RBFOX1: variants seen among roughly 807,000 people sequenced by gnomAD.
RBFOX1 encodes RNA binding fox-1 homolog 1.
A neutral mutation model predicts 57.7 loss-of-function variants in RBFOX1; 8 were observed. The observed-to-expected ratio is 0.14, with a 90% CI of 0.08 to 0.25. The LOEUF (loss-of-function observed/expected upper bound fraction) is 0.25, where lower values mean the gene tolerates loss of function less well. Among genes scored for constraint, RBFOX1 ranks in the 10% least tolerant of loss-of-function variants. The pLI is 1.00. For missense variants in RBFOX1, 611 were observed against 548.5 expected (o/e 1.11, Z -1.14); for synonymous variants, 326 against 222.4 (o/e 1.47, Z -4.15).
intron 3 of RBFOX1, among the ~76,000 whole-genome samples, chr16:6,914,868 A>G (rs1055984925): frequency 6.6e-6 from 1 of 152,236 alleles, no homozygotes; most frequent in East Asian, 1.9e-4. Context: ...AAGCTGGGCA[A>G]CAGAGCAAGA....
intron 4 of RBFOX1, among the ~76,000 whole-genome samples, chr16:5,887,034 T>A (rs973951712): frequency 6.6e-6 from 1 of 152,184 alleles, no homozygotes. Context: ...ATGTTTACCA[T>A]CATTCCCGGC....
intron 3 of RBFOX1, among the ~76,000 whole-genome samples, chr16:6,819,294 T>C (rs1466602567): frequency 6.6e-6 from 1 of 152,196 alleles, no homozygotes; most frequent in Non-Finnish European, 1.5e-5. Context: ...CCCTTGTACA[T>C]AGCAGGTGCT....
intron 2 of RBFOX1, among the ~76,000 whole-genome samples, chr16:6,530,237 G>A (rs764970168): frequency 2.0e-5 from 3 of 152,042 alleles, no homozygotes; most frequent in South Asian, 2.1e-4. Flanking sequence ...GAGTTTGGGG[G>A]CAGGAAGAAG....
chr16:7,175,715 C>G (rs533120010), intron 4 of RBFOX1, among the ~76,000 whole-genome samples: 1 of 152,206 alleles, frequency 6.6e-6, no homozygotes, highest in Admixed American at 6.5e-5. Context: ...TTACCTCTTC[C>G]AGCCACGCAG....
intron 2 of RBFOX1, among the ~76,000 whole-genome samples, chr16:5,592,671 A>T (rs1001656646): frequency 6.6e-6 from 1 of 152,198 alleles, no homozygotes; most frequent in Non-Finnish European, 1.5e-5. Flanking sequence ...TGTTTGGACC[A>T]TGCATTAAGG....
chr16:5,718,745 A>T (rs2051813509), intron 3 of RBFOX1, among the ~76,000 whole-genome samples: 1 of 152,134 alleles, frequency 6.6e-6, no homozygotes. Flanking sequence ...CATCTCTAAT[A>T]AAAGCTACAA....
intron 3 of RBFOX1, among the ~76,000 whole-genome samples, chr16:6,764,452 C>G (rs1421910655): frequency 6.6e-6 from 1 of 152,196 alleles, no homozygotes; most frequent in Non-Finnish European, 1.5e-5. Flanking sequence ...ATGAGCACAA[C>G]TCTTTGTCTT....
intron 3 of RBFOX1, among the ~76,000 whole-genome samples, chr16:6,986,537 C>T (rs1429833318): frequency 2.0e-5 from 3 of 152,188 alleles, no homozygotes; most frequent in African/African-American, 7.2e-5. Context: ...ACTGATTCAC[C>T]TGCCTTGGCT....
At chr16:6,065,010 C>A (rs2095741561) in intron 1 of RBFOX1, among the ~76,000 whole-genome samples, 1 of 150,548 alleles carries the variant, frequency 6.6e-6, no homozygotes, top group African/African-American at 2.4e-5. Context: ...CTATATATTT[C>A]TTTTCTTTCT....
chr16:5,440,977 A>C (rs2068067118), intron 1 of RBFOX1, among the ~76,000 whole-genome samples: 1 of 152,268 alleles, frequency 6.6e-6, no homozygotes, highest in Middle Eastern at 3.4e-3. Flanking sequence ...GCAAACTCCT[A>C]CGTACCCTTA....
At chr16:7,513,066 C>G (rs531971702) in intron 4 of RBFOX1, among the ~76,000 whole-genome samples, 2 of 36,014 alleles carry the variant, frequency 5.6e-5, no homozygotes, top group Admixed American at 3.8e-4. Flanking sequence ...CAGTTCGGGA[C>G]CAGCCTGGCC....
chr16:7,198,277 T>G (rs2087319398), intron 4 of RBFOX1, among the ~76,000 whole-genome samples: 1 of 152,166 alleles, frequency 6.6e-6, no homozygotes, highest in Admixed American at 6.5e-5. Flanking sequence ...AGTCCTGGGA[T>G]TACAGGCGTA....
intron 3 of RBFOX1, among the ~76,000 whole-genome samples, chr16:7,000,902 AAC>A (rs1234408552): frequency 1.3e-5 from 2 of 152,080 alleles, no homozygotes; most frequent in African/African-American, 4.8e-5. Flanking sequence ...GCACCTGGGA[AAC>A]ACATAATAAA....
intron 3 of RBFOX1, among the ~76,000 whole-genome samples, chr16:6,926,765 A>C (rs532174816): frequency 9.9e-5 from 15 of 152,160 alleles, no homozygotes; most frequent in African/African-American, 3.6e-4. Context: ...CTGAACTTTT[A>C]AATGCTTCTG....
chr16:5,678,746 T>A (rs1199692524), intron 3 of RBFOX1, among the ~76,000 whole-genome samples: 1 of 152,202 alleles, frequency 6.6e-6, no homozygotes, highest in Non-Finnish European at 1.5e-5. Context: ...CATTTGTGTT[T>A]CCAGATGAAG....
At chr16:6,512,909 C>T (rs1469578883) in intron 2 of RBFOX1, among the ~76,000 whole-genome samples, 1 of 152,206 alleles carries the variant, frequency 6.6e-6, no homozygotes, top group African/African-American at 2.4e-5. Flanking sequence ...AGAATGTCAA[C>T]TCTGCATTGG....
intron 3 of RBFOX1, among the ~76,000 whole-genome samples, chr16:6,721,023 A>G (rs1444474571): frequency 6.6e-6 from 1 of 152,186 alleles, no homozygotes; most frequent in Non-Finnish European, 1.5e-5. Flanking sequence ...TGCAGCTTTT[A>G]TGCTGGTGGT....
intron 4 of RBFOX1, among the ~76,000 whole-genome samples, chr16:7,341,848 C>T (rs1204505348): frequency 6.8e-6 from 1 of 147,692 alleles, no homozygotes; most frequent in African/African-American, 2.5e-5. Context: ...GGGAAGATGA[C>T]AGCAGGAGCT....
intron 1 of RBFOX1, among the ~76,000 whole-genome samples, chr16:6,294,859 C>T (rs1198653002): frequency 6.6e-6 from 1 of 152,134 alleles, no homozygotes; most frequent in Non-Finnish European, 1.5e-5. Flanking sequence ...TGGTGCTGCA[C>T]ATTTACACCG....
Sources: gnomAD v4.1 joint callset for allele counts (sites outside exome capture counted in the v4.1 genomes callset) on GRCh38, gnomAD v4.1.1 for gene constraint, MANE v1.5 for transcripts, NCBI Gene and HGNC (gene_info 2026-07-23, HGNC 2026-07-21) for gene names.